The following NHSL3 variants were observed in gnomAD, a reference collection of about 807,000 sequenced individuals.
NHSL3 encodes the protein NHS like 3.
At chr1:32,748,134 C>A in the NHSL3 span, among the ~76,000 whole-genome samples, 1 of 151,786 alleles carries the variant, frequency 6.6e-6, no homozygotes, top group Non-Finnish European at 1.5e-5. Flanking sequence ...CAAAAATTAG[C>A]CAGGCGTAGT....
chr1:32,770,093 T>A, the NHSL3 span: 2 of 1,556,360 alleles, frequency 1.3e-6, no homozygotes, highest in Non-Finnish European at 1.7e-6. This position sits in a 1 kb window ranked among gnomAD's most constrained non-coding sequence, Gnocchi z 8.3. Flanking sequence ...GATGACACCT[T>A]TGTTGGCCGG....
the NHSL3 span, among the ~76,000 whole-genome samples, chr1:32,757,273 A>G: frequency 6.6e-6 from 1 of 152,142 alleles, no homozygotes; most frequent in Non-Finnish European, 1.5e-5. Flanking sequence ...GGAGCCAGTG[A>G]AGGTGTTTGA....
At chr1:32,772,640 C>T in the NHSL3 span, among the ~76,000 whole-genome samples, 52 of 150,672 alleles carry the variant, frequency 3.5e-4, no homozygotes, top group Non-Finnish European at 4.3e-4. Flanking sequence ...TGAATTCCAA[C>T]TTTGCCTCTT....
the NHSL3 span, among the ~76,000 whole-genome samples, chr1:32,756,657 CAAAAA>C: frequency 2.0e-5 from 1 of 49,960 alleles, no homozygotes; most frequent in African/African-American, 8.4e-5. Context: ...ACCCTGTCTC[CAAAAA>C]AAAAAAAAAA....
chr1:32,771,934 C>A, the NHSL3 span: 1 of 1,599,910 alleles, frequency 6.3e-7, no homozygotes, highest in East Asian at 2.3e-5. Context: ...CCTGTCAGGG[C>A]GGGCCAGCCC....
the NHSL3 span, among the ~76,000 whole-genome samples, chr1:32,743,967 A>G: frequency 2.0e-5 from 3 of 152,272 alleles, no homozygotes; most frequent in African/African-American, 4.8e-5. Flanking sequence ...TATTATTGCA[A>G]CTGTTTCCTT....
At chr1:32,754,016 T>C in the NHSL3 span, 1 of 514,342 alleles carries the variant, frequency 1.9e-6, no homozygotes, top group African/African-American at 2.0e-5. Flanking sequence ...GCTGCCTCCC[T>C]CCCGGGGCTG....
At chr1:32,749,088 A>T in the NHSL3 span, among the ~76,000 whole-genome samples, 7 of 152,180 alleles carry the variant, frequency 4.6e-5, no homozygotes, top group African/African-American at 1.7e-4. Context: ...TGAACAAGTA[A>T]TTAAGGGTTA....
the NHSL3 span, among the ~76,000 whole-genome samples, chr1:32,758,410 C>T: frequency 1.3e-5 from 2 of 152,154 alleles, no homozygotes; most frequent in South Asian, 2.1e-4. Context: ...ATCCTTCCCC[C>T]TGCCTGTAGA....
the NHSL3 span, chr1:32,769,613 C>T: frequency 1.6e-6 from 2 of 1,286,758 alleles, no homozygotes; most frequent in Admixed American, 1.9e-5. Flanking sequence ...AAGTAGTGCC[C>T]TGCAGAATGT....
chr1:32,768,270 G>GT, the NHSL3 span, among the ~76,000 whole-genome samples: 1 of 152,072 alleles, frequency 6.6e-6, no homozygotes, highest in Non-Finnish European at 1.5e-5. Context: ...TCAGTGCTAG[G>GT]TGATGCTGGA....
At chr1:32,765,551 T>G in the NHSL3 span, 70 of 1,323,182 alleles carry the variant, frequency 5.3e-5, no homozygotes, top group East Asian at 8.0e-5. Context: ...CTGCACCCCA[T>G]TTAAGGGGTG....
At chr1:32,771,178 C>T in the NHSL3 span, 7 of 1,611,264 alleles carry the variant, frequency 4.3e-6, no homozygotes, top group East Asian at 2.2e-5. Flanking sequence ...CCCCAAGGTG[C>T]CTGCCCCCTT....
the NHSL3 span, among the ~76,000 whole-genome samples, chr1:32,759,760 C>G: frequency 1.3e-5 from 2 of 152,202 alleles, no homozygotes; most frequent in African/African-American, 4.8e-5. Flanking sequence ...TTAACTTTCT[C>G]AGACTTAGGA....
At chr1:32,756,353 A>C in the NHSL3 span, among the ~76,000 whole-genome samples, 6 of 151,374 alleles carry the variant, frequency 4.0e-5, no homozygotes, top group African/African-American at 1.5e-4. Flanking sequence ...GAGTAAAGGC[A>C]TGGAGTTGAG....
chr1:32,745,939 TA>T, the NHSL3 span, among the ~76,000 whole-genome samples: 1 of 151,630 alleles, frequency 6.6e-6, no homozygotes, highest in Non-Finnish European at 1.5e-5. Flanking sequence ...AAGAAAAAGT[TA>T]AAAAAACAGG....
At chr1:32,758,147 G>A in the NHSL3 span, among the ~76,000 whole-genome samples, 1 of 152,142 alleles carries the variant, frequency 6.6e-6, no homozygotes, top group East Asian at 1.9e-4. Flanking sequence ...GGATTGTTTG[G>A]TCTTGGCACT....
At chr1:32,752,580 GC>G in the NHSL3 span, among the ~76,000 whole-genome samples, 1 of 152,080 alleles carries the variant, frequency 6.6e-6, no homozygotes, top group African/African-American at 2.4e-5. Context: ...AGCCTAGAAG[GC>G]TTTTCTTCTC....
At chr1:32,757,331 G>A in the NHSL3 span, among the ~76,000 whole-genome samples, 1 of 152,074 alleles carries the variant, frequency 6.6e-6, no homozygotes, top group Non-Finnish European at 1.5e-5. Context: ...ATGGCTCTAG[G>A]GTGGGGGCAG....
Sources: allele counts gnomAD v4.1 joint callset (sites outside exome capture counted in the v4.1 genomes callset), GRCh38; gene constraint gnomAD v4.1.1; non-coding constraint Gnocchi (gnomAD v3.1); transcripts MANE v1.5; gene names NCBI Gene and HGNC (gene_info 2026-07-23, HGNC 2026-07-21).